TRPC6: variants seen among roughly 807,000 people sequenced by gnomAD.
TRPC6 encodes the protein short transient receptor potential channel 6.
Under a neutral mutation model 90.7 loss-of-function variants are expected in TRPC6, and 55 were observed. The ratio of observed to expected loss-of-function variants is 0.61; its 90% CI spans 0.49 to 0.76. The LOEUF is 0.76. Ranked by LOEUF, TRPC6 falls within the 30% of genes least tolerant of loss-of-function variation. The pLI is 0.00. For synonymous variants in TRPC6, 393 were observed against 393.0 expected (o/e 1.00, Z 0.00); for missense variants, 989 against 1,122.7 (o/e 0.88, Z 1.70).
intron 2 of TRPC6, among the ~76,000 whole-genome samples, chr11:101,499,147 GGAATACT>G (rs1290836136): frequency 6.6e-6 from 1 of 152,042 alleles, no homozygotes; most frequent in Non-Finnish European, 1.5e-5. Flanking sequence ...GCATCAGCAG[GGAATACT>G]GAATACCAAA....
intron 1 of TRPC6, among the ~76,000 whole-genome samples, chr11:101,573,254 T>C (rs183632387): frequency 6.8e-5 from 10 of 147,446 alleles, no homozygotes; most frequent in African/African-American, 2.4e-4. Context: ...GTCATTTTTT[T>C]ACAGAGTACC....
chr11:101,470,818 C>T (rs79458708), intron 9 of TRPC6, among the ~76,000 whole-genome samples: 6 of 61,626 alleles, frequency 9.7e-5, no homozygotes, highest in South Asian at 5.9e-4. Flanking sequence ...CCCCCCCCCC[C>T]TCCCCGAGTC....
Position 101,457,273 on chromosome 11 carries a change from C to A in TRPC6, c.2485-2172G>T, listed in dbSNP as rs1858905986. ...ACTCTCTCCAATTCTGAATGAACCA[C>A]TGCCTGCCCCCTTTGTTAATACCTT... On this transcript the variant is annotated intron_variant, in intron 10 of 12. Coordinates refer to ENST00000344327, the MANE Select transcript of TRPC6 (RefSeq NM_004621.6). 3.3e-5 allele frequency among the ~76,000 whole-genome samples: 5 copies of A among 152,262 alleles called. 1 individual carries two copies. The highest frequency in any genetic ancestry group is 2.4e-5 in the African/African-American group (1 of 41,556).
At chr11:101,512,620 G>T (rs1417821730) in intron 1 of TRPC6, among the ~76,000 whole-genome samples, 1 of 152,100 alleles carries the variant, frequency 6.6e-6, no homozygotes, top group Non-Finnish European at 1.5e-5. Flanking sequence ...GACATTTATG[G>T]TGAGAATAAT....
intron 9 of TRPC6, among the ~76,000 whole-genome samples, 179 bp from the exon 10 acceptor site, chr11:101,469,680 C>T (rs1212885565): frequency 6.6e-6 from 1 of 152,128 alleles, no homozygotes; most frequent in Non-Finnish European, 1.5e-5. Flanking sequence ...TCTGAATTCC[C>T]TCAGGTTGCA....
At chr11:101,458,240 A>ACTGT (rs1858929074) in intron 10 of TRPC6, among the ~76,000 whole-genome samples, 2 of 152,154 alleles carry the variant, frequency 1.3e-5, no homozygotes, top group South Asian at 4.1e-4. Flanking sequence ...TAAGTCTGGG[A>ACTGT]CTGTCTGTAG....
At chr11:101,576,499 T>C (rs1333774729) in intron 1 of TRPC6, among the ~76,000 whole-genome samples, 2 of 152,222 alleles carry the variant, frequency 1.3e-5, no homozygotes, top group African/African-American at 4.8e-5. Context: ...TCAGTTCCAA[T>C]GGCTTAAAGC....
chr11:101,501,133 C>T (rs1047016245), intron 2 of TRPC6, among the ~76,000 whole-genome samples: 6 of 138,750 alleles, frequency 4.3e-5, no homozygotes, highest in African/African-American at 1.6e-4. Context: ...ACATACATAC[C>T]ATGAACAGGG....
At chr11:101,567,146 G>C (rs1861853577) in intron 1 of TRPC6, among the ~76,000 whole-genome samples, 1 of 152,056 alleles carries the variant, frequency 6.6e-6, no homozygotes, top group Non-Finnish European at 1.5e-5. Context: ...CAACACAGCA[G>C]TCTGAGATCA....
At chr11:101,476,815 T>A (rs1271977388) in intron 5 of TRPC6, among the ~76,000 whole-genome samples, 6 of 152,194 alleles carry the variant, frequency 3.9e-5, no homozygotes, top group Non-Finnish European at 8.8e-5. Flanking sequence ...ATTTAACAGA[T>A]GTTTATTGTA....
In TRPC6 at chr11:101,548,280, A is replaced by ATATAATT. The variant is rs1861360304; in HGVS notation, c.170+35053_170+35054insAATTATA. On this transcript the variant is annotated intron_variant, in intron 1 of 12. Coordinates refer to ENST00000344327, the MANE Select transcript of TRPC6 (RefSeq NM_004621.6). ...ATATATACATATATATATAATTTAT[A>ATATAATT]TATATAATTATATATAATTGAAATA... 4.2e-4 allele frequency among the ~76,000 whole-genome samples: 57 copies of ATATAATT among 135,498 alleles called. 1 individual carries two copies. The highest frequency in any genetic ancestry group is 7.8e-4 in the Non-Finnish European group (48 of 61,854). The allele number at this position is 135,498 out of a possible 152,430, so 88.9% of individuals were successfully genotyped here. A position where few individuals can be genotyped will look rare whatever the true frequency, so the allele number is the denominator to read the frequency against.
At chr11:101,550,768 G>A (rs1209029954) in intron 1 of TRPC6, among the ~76,000 whole-genome samples, 1 of 151,528 alleles carries the variant, frequency 6.6e-6, no homozygotes, top group Non-Finnish European at 1.5e-5. Flanking sequence ...TCACTGGACT[G>A]GAAAAATGTG....
chr11:101,460,015 C>T (rs1858969129), intron 10 of TRPC6, among the ~76,000 whole-genome samples: 1 of 152,100 alleles, frequency 6.6e-6, no homozygotes, highest in African/African-American at 2.4e-5. Context: ...GCTGAAGGGG[C>T]AGAGATGTAC....
At chr11:101,569,151 T>G (rs1450842750) in intron 1 of TRPC6, among the ~76,000 whole-genome samples, 1 of 134,806 alleles carries the variant, frequency 7.4e-6, no homozygotes, top group Non-Finnish European at 1.6e-5. Flanking sequence ...AAGCTCAAAA[T>G]AAAGGGATGG....
intron 1 of TRPC6, among the ~76,000 whole-genome samples, chr11:101,568,023 C>T (rs1049564330): frequency 1.8e-4 from 28 of 152,034 alleles, no homozygotes; most frequent in Admixed American, 6.6e-5. Context: ...ATGAGTTTGA[C>T]GAACTGACAG....
intron 1 of TRPC6, among the ~76,000 whole-genome samples, chr11:101,532,391 A>G (rs1860928143): frequency 6.6e-6 from 1 of 152,202 alleles, no homozygotes; most frequent in Non-Finnish European, 1.5e-5. Context: ...TTTGTTTTAT[A>G]AATTATTGAA....
Position 101,472,164 on chromosome 11 carries a change from C to T in TRPC6, c.2178G>A (p.Met726Ile), listed in dbSNP as rs1308274128. ...CAATTTCCTGGAATGAACTGTTGAT[C>T]ATGGCAATTAACATATTTAGCAAAA... ...VIVLLNMLIAMINSSFQEIED... is the reference protein window; with the variant it reads ...VIVLLNMLIAIINSSFQEIED... Residue 726 changes from methionine to isoleucine, a missense_variant, in exon 8 of 13, where the codon ATG (methionine) becomes ATA (isoleucine). By Grantham distance (10) the Met-to-Ile change is conservative (BLOSUM62 1). Around this residue, in one of 4 missense-constraint regions of TRPC6, gnomAD observed 118 missense variants for 197.6 expected, o/e 0.60. Coordinates refer to ENST00000344327, the MANE Select transcript of TRPC6 (RefSeq NM_004621.6). 6.2e-7 allele frequency: 1 copy of T among 1,611,478 alleles called. No homozygotes were observed. The highest frequency in any genetic ancestry group is 8.5e-7 in the Non-Finnish European group (1 of 1,179,312).
intron 4 of TRPC6, among the ~76,000 whole-genome samples, chr11:101,487,876 G>A (rs1859712924): frequency 6.6e-6 from 1 of 152,012 alleles, no homozygotes; most frequent in African/African-American, 2.4e-5. Flanking sequence ...TGTCTAAAAG[G>A]CTTTGCACAA....
intron 4 of TRPC6, among the ~76,000 whole-genome samples, chr11:101,486,188 C>A (rs1859675792): frequency 6.6e-6 from 1 of 152,024 alleles, no homozygotes. Flanking sequence ...ATTTTTCTTA[C>A]AAAAGTTGAG....
Sources: allele counts gnomAD v4.1 joint callset (sites outside exome capture counted in the v4.1 genomes callset), GRCh38; gene constraint gnomAD v4.1.1; regional missense constraint gnomAD v4.1.1; transcripts MANE v1.5; gene names NCBI Gene and HGNC (gene_info 2026-07-23, HGNC 2026-07-21).